Variants in OVCH1 observed in about 807,000 individuals in gnomAD.
The protein encoded by OVCH1 is ovochymase 1.
Under a neutral mutation model 138.4 loss-of-function variants are expected in OVCH1, and 139 were observed. The ratio of observed to expected loss-of-function variants is 1.00; its 90% CI spans 0.87 to 1.16. The LOEUF (loss-of-function observed/expected upper bound fraction) is 1.16, where lower values mean the gene tolerates loss of function less well. Ranked by LOEUF, OVCH1 falls within the 50% of genes most tolerant of loss-of-function variation. The pLI is 0.00. For missense variants in OVCH1, 1,367 were observed against 1,357.9 expected (o/e 1.01, Z -0.11); for synonymous variants, 453 against 467.8 (o/e 0.97, Z 0.41).
chr12:29,467,009 T>C (rs1159488776), intron 16 of OVCH1, among the ~76,000 whole-genome samples: 1 of 152,200 alleles, frequency 6.6e-6, no homozygotes, highest in Non-Finnish European at 1.5e-5. Context: ...TTTCAATTCC[T>C]TGCATAATGG....
intron 22 of OVCH1, among the ~76,000 whole-genome samples, chr12:29,450,364 C>T (rs1267668575): frequency 6.6e-6 from 1 of 152,078 alleles, no homozygotes. Flanking sequence ...AGGATATGAA[C>T]AGACATTTCT....
chr12:29,412,708 T>C (rs980873654), exon 4 of OVCH1: 1 of 152,186 alleles, frequency 6.6e-6, no homozygotes, highest in African/African-American at 2.4e-5. Context: ...TGGCACCAGA[T>C]TAGTAGTGAA....
intron 3 of OVCH1, among the ~76,000 whole-genome samples, chr12:29,413,463 G>A (rs937259372): frequency 1.3e-5 from 2 of 152,006 alleles, no homozygotes; most frequent in African/African-American, 4.8e-5. Context: ...TGAGGAATGG[G>A]GAAGAATCAC....
At chr12:29,489,318 C>T (rs182408339) in intron 6 of OVCH1, among the ~76,000 whole-genome samples, 20 of 152,200 alleles carry the variant, frequency 1.3e-4, no homozygotes, top group Non-Finnish European at 1.5e-5. Flanking sequence ...ATAGCTAGGC[C>T]TAATAAGATT....
chr12:29,451,609 A>G (rs1256292565), intron 21 of OVCH1, 40 bp from the exon 22 acceptor site: 2 of 1,501,386 alleles, frequency 1.3e-6, no homozygotes, highest in Non-Finnish European at 9.0e-7. Context: ...ACCAACATAA[A>G]TAAAGCAAAG....
At chr12:29,439,423 C>G (rs1941428497) in exon 26 of OVCH1, 2 of 1,524,994 alleles carry the variant, frequency 1.3e-6, no homozygotes, top group Non-Finnish European at 1.8e-6. Flanking sequence ...GCCAGAGTTC[C>G]AGCGAATGAA....
intron 22 of OVCH1, among the ~76,000 whole-genome samples, chr12:29,446,682 G>C (rs367591688): frequency 6.6e-6 from 1 of 151,978 alleles, no homozygotes; most frequent in South Asian, 2.1e-4. Context: ...CAGAAAATGT[G>C]TCTCTCTGTA....
At chr12:29,415,376 G>A (rs1448638770) in intron 3 of OVCH1, among the ~76,000 whole-genome samples, 1 of 152,088 alleles carries the variant, frequency 6.6e-6, no homozygotes. Flanking sequence ...GATTTTAAGG[G>A]CACTAAATAT....
chr12:29,450,524 T>C (rs1941756266), intron 22 of OVCH1, among the ~76,000 whole-genome samples: 1 of 152,188 alleles, frequency 6.6e-6, no homozygotes, highest in African/African-American at 2.4e-5. Flanking sequence ...CAACAGATGC[T>C]GGAGAGGATG....
At chr12:29,466,102 TGGGGGGA>T (rs1285948434) in intron 16 of OVCH1, among the ~76,000 whole-genome samples, 2 of 38,766 alleles carry the variant, frequency 5.2e-5, no homozygotes, top group Non-Finnish European at 9.3e-5. Flanking sequence ...TGTTGTGGGG[TGGGGGGA>T]GGGGGGAGGG....
At chr12:29,489,579 C>G (rs534249454) in intron 6 of OVCH1, 41 bp downstream of exon 6, 1 of 1,547,030 alleles carries the variant, frequency 6.5e-7, no homozygotes, top group Admixed American at 2.0e-5. Context: ...TACTTTCACC[C>G]ACATGTTACT....
At chr12:29,463,720 TGTGTTGG>T (rs1415009415) in intron 18 of OVCH1, among the ~76,000 whole-genome samples, 1 of 152,184 alleles carries the variant, frequency 6.6e-6, no homozygotes, top group Non-Finnish European at 1.5e-5. Context: ...AAGCTCCTCA[TGTGTTGG>T]GTGTGAAGAT....
chr12:29,458,783 C>T (rs1473667293), intron 19 of OVCH1, among the ~76,000 whole-genome samples: 2 of 151,956 alleles, frequency 1.3e-5, no homozygotes, highest in Non-Finnish European at 2.9e-5. Context: ...GCTCAAATAA[C>T]TCTATAGAAA....
At chr12:29,420,110 A>T (rs984441855) in intron 3 of OVCH1, among the ~76,000 whole-genome samples, 1 of 152,196 alleles carries the variant, frequency 6.6e-6, no homozygotes, top group Non-Finnish European at 1.5e-5. Context: ...CTTCTGGGAG[A>T]CCAATATTAG....
In OVCH1 at chr12:29,494,649, A is replaced by C. The variant is rs142378352; in HGVS notation, c.454+636T>G. Among the ~76,000 whole-genome samples the C allele has an allele frequency of 3.2e-4, 49 of 152,298 alleles. 1 individual carries two copies. The East Asian group carries it at 8.7e-3, about 27-fold the overall frequency. ...CTATTATTCAGCCACAAAAAGAATG[A>C]AATCTTGTCATTTGTAACAACACAG... is the stretch of plus-strand genomic sequence containing the variant. On this transcript the variant is annotated intron_variant, in intron 4 of 27. Coordinates refer to ENST00000318184, the Ensembl canonical transcript of OVCH1.
chr12:29,436,674 T>G (rs570833600), intron 26 of OVCH1, among the ~76,000 whole-genome samples: 6 of 152,132 alleles, frequency 3.9e-5, no homozygotes, highest in Non-Finnish European at 8.8e-5. Flanking sequence ...TTCATGGTCT[T>G]GCTGACTTCA....
At chr12:29,433,374 C>G (rs562646198) in intron 27 of OVCH1, among the ~76,000 whole-genome samples, 5 of 152,264 alleles carry the variant, frequency 3.3e-5, no homozygotes, top group African/African-American at 9.6e-5. Context: ...TTGCCTGCTG[C>G]CACATAAGAC....
At position 29,418,248 on chromosome 12, in the gene OVCH1, A is replaced by G. The variant is rs1357463597; in HGVS notation, c.*71+4879T>C. Among the ~76,000 whole-genome samples the G allele has an allele frequency of 4.6e-5, 7 of 152,246 alleles. No individual in the cohort carries two copies. In the East Asian group the frequency reaches 1.3e-3, roughly 29 times the overall value. Reference sequence around the variant, plus strand: ...TAACAATTCCTCACCCAGTTTTCACATTAGCTTTAGTTTCAGTAACCATTA... The same window carrying G: ...TAACAATTCCTCACCCAGTTTTCACGTTAGCTTTAGTTTCAGTAACCATTA... On this transcript the variant is annotated intron_variant and NMD_transcript_variant, in intron 3 of 4. Transcript: ENST00000539117.
At chr12:29,495,179 T>G in intron 4 of OVCH1, 106 bp downstream of exon 4, 9 of 1,103,714 alleles carry the variant, frequency 8.2e-6, no homozygotes, top group Non-Finnish European at 7.7e-6. Flanking sequence ...GAAACAAAGC[T>G]TAGCTATTCT....
Sources: allele counts gnomAD v4.1 joint callset (sites outside exome capture counted in the v4.1 genomes callset), GRCh38; gene constraint gnomAD v4.1.1; transcripts MANE v1.5; gene names NCBI Gene and HGNC (gene_info 2026-07-23, HGNC 2026-07-21).